The following LRP1B variants were observed in gnomAD, a reference collection of about 807,000 sequenced individuals.
LRP1B encodes the protein LDL receptor related protein 1B, also known as low-density lipoprotein receptor-related protein 1B.
LRP1B carries 217 observed loss-of-function variants against 556.6 expected under a neutral mutation model. The ratio of observed to expected loss-of-function variants is 0.39; its 90% CI spans 0.35 to 0.44. LRP1B has a LOEUF of 0.44. Among genes scored for constraint, LRP1B ranks in the 20% least tolerant of loss-of-function variants. The probability of loss-of-function intolerance (pLI) is 1.00; values close to 1 mark genes in which losing one functional copy is unlikely to be tolerated. For missense variants in LRP1B, 5,053 were observed against 5,620.8 expected (o/e 0.90, Z 3.23); for synonymous variants, 2,047 against 1,865.8 (o/e 1.10, Z -2.50).
chr2:140,885,081 A>G (rs184719332), intron 24 of LRP1B, among the ~76,000 whole-genome samples: 2 of 152,344 alleles, frequency 1.3e-5, no homozygotes, highest in African/African-American at 4.8e-5. Flanking sequence ...CATTGCTACC[A>G]CAGCAGTGCT....
At chr2:141,915,018 C>CA (rs1026926769) in intron 1 of LRP1B, among the ~76,000 whole-genome samples, 1 of 151,834 alleles carries the variant, frequency 6.6e-6, no homozygotes, top group Admixed American at 6.6e-5. Context: ...TCATATGGGA[C>CA]AAAAAAAGAG....
rs541466793 is a variant in LRP1B, at chr2:140,951,113, GATT to G, written c.2969-714_2969-712del. ...AACCAATAATATAATTATTGTGGAA[GATT>G]ATTACTTAAACCTATAGTTCTCATG... On this transcript the variant is annotated intron_variant, in intron 19 of 90. Transcript: ENST00000389484. Among the ~76,000 whole-genome samples, 226 of 152,180 alleles carry G rather than the reference GATT, an allele frequency of 1.5e-3. 2 individuals are homozygous for G. Among genetic ancestry groups the G allele is most frequent in the South Asian group, 0.015 (71 of 4,826 alleles).
chr2:140,290,355 A>G (rs1223502292), intron 84 of LRP1B, among the ~76,000 whole-genome samples: 2 of 152,096 alleles, frequency 1.3e-5, no homozygotes, highest in African/African-American at 2.4e-5. Flanking sequence ...GAAAAGGTAC[A>G]TAAAGTAATG....
At chr2:141,617,302 G>A (rs1340281621) in intron 2 of LRP1B, among the ~76,000 whole-genome samples, 1 of 152,134 alleles carries the variant, frequency 6.6e-6, no homozygotes, top group East Asian at 1.9e-4. Context: ...GAAAAATCAA[G>A]TCAATTGCTA....
intron 5 of LRP1B, among the ~76,000 whole-genome samples, chr2:141,231,403 C>A (rs1683460079): frequency 6.6e-6 from 1 of 152,096 alleles, no homozygotes; most frequent in African/African-American, 2.4e-5. Context: ...TCATGCTAGA[C>A]CCCTATTAAT....
At chr2:140,928,803 T>C (rs906121078) in intron 20 of LRP1B, among the ~76,000 whole-genome samples, 3 of 152,008 alleles carry the variant, frequency 2.0e-5, no homozygotes, top group African/African-American at 7.2e-5. Context: ...GAGCTAGCCA[T>C]GAAGATGTTA....
intron 27 of LRP1B, among the ~76,000 whole-genome samples, chr2:140,860,951 G>A (rs529041337): frequency 1.1e-4 from 17 of 151,958 alleles, no homozygotes; most frequent in African/African-American, 4.1e-4. Flanking sequence ...GCGGCAATGT[G>A]TAAAACGAAG....
At chr2:140,557,887 A>C in intron 43 of LRP1B, among the ~76,000 whole-genome samples, 1 of 152,232 alleles carries the variant, frequency 6.6e-6, no homozygotes, top group East Asian at 1.9e-4. Flanking sequence ...ATGGCTTATT[A>C]TCTGTCTTCC....
At chr2:141,938,687 C>T (rs1242642813) in intron 1 of LRP1B, among the ~76,000 whole-genome samples, 1 of 152,056 alleles carries the variant, frequency 6.6e-6, no homozygotes, top group East Asian at 1.9e-4. Flanking sequence ...TGGAAACAAC[C>T]TAAGTGTCTG....
intron 66 of LRP1B, among the ~76,000 whole-genome samples, chr2:140,399,080 T>A (rs1684379772): frequency 6.6e-6 from 1 of 152,054 alleles, no homozygotes; most frequent in Admixed American, 6.6e-5. Flanking sequence ...ATACTTATCT[T>A]TCTTTTTCTT....
intron 5 of LRP1B, among the ~76,000 whole-genome samples, chr2:141,239,549 A>G (rs1346277183): frequency 6.6e-6 from 1 of 152,070 alleles, no homozygotes; most frequent in Non-Finnish European, 1.5e-5. Flanking sequence ...AGACAATTAT[A>G]TGAGTCTAAT....
chr2:141,268,574 A>G (rs1283494498), intron 3 of LRP1B, among the ~76,000 whole-genome samples: 1 of 152,134 alleles, frequency 6.6e-6, no homozygotes, highest in Non-Finnish European at 1.5e-5. Flanking sequence ...GAAGGAAATC[A>G]ATACAAAACC....
chr2:141,958,253 TAGAAGAGGC>T (rs1398331382), intron 1 of LRP1B, among the ~76,000 whole-genome samples: 3 of 152,026 alleles, frequency 2.0e-5, no homozygotes, highest in African/African-American at 7.2e-5. Flanking sequence ...CCTGGTGCAT[TAGAAGAGGC>T]AGCTGGGTGG....
At chr2:141,046,832 A>C (rs1698884615) in intron 11 of LRP1B, among the ~76,000 whole-genome samples, 2 of 152,100 alleles carry the variant, frequency 1.3e-5, no homozygotes, top group South Asian at 4.2e-4. Context: ...CTGTAATCCC[A>C]GCTCTTTGGG....
chr2:140,930,782 C>T (rs1479660404), intron 20 of LRP1B, among the ~76,000 whole-genome samples: 1 of 152,094 alleles, frequency 6.6e-6, no homozygotes, highest in African/African-American at 2.4e-5. Flanking sequence ...TCAGTCCTTG[C>T]TCTGTTCTTA....
At chr2:140,641,333 T>C (rs1034792096) in intron 41 of LRP1B, among the ~76,000 whole-genome samples, 1 of 152,244 alleles carries the variant, frequency 6.6e-6, no homozygotes, top group Non-Finnish European at 1.5e-5. Flanking sequence ...GGGGAAAGTC[T>C]AAATCAACAT....
chr2:141,631,538 C>CAAA (rs71391663), intron 2 of LRP1B, among the ~76,000 whole-genome samples: 2 of 92,562 alleles, frequency 2.2e-5, no homozygotes, highest in Non-Finnish European at 4.3e-5. Flanking sequence ...ACCAGTTTTC[C>CAAA]AAAAAAAAAA....
In LRP1B at chr2:141,031,076, G is replaced by C. The variant is rs142989286; in HGVS notation, c.1790-10974C>G. Among the ~76,000 whole-genome samples the C allele has an allele frequency of 1.5e-3, 225 of 151,900 alleles. 2 individuals are homozygous for C. The highest frequency in any genetic ancestry group is 3.4e-3 in the Middle Eastern group (1 of 294). Reference sequence around the variant, plus strand: ...CAGAATAATTGATATGAAATGTCTGGTAAATACTAGGAACTTCACAAATGC... The same window carrying C: ...CAGAATAATTGATATGAAATGTCTGCTAAATACTAGGAACTTCACAAATGC... On this transcript the variant is annotated intron_variant, in intron 11 of 90. Transcript: ENST00000389484.
At chr2:140,585,649 A>G (rs1294171220) in intron 43 of LRP1B, among the ~76,000 whole-genome samples, 1 of 152,136 alleles carries the variant, frequency 6.6e-6, no homozygotes, top group Non-Finnish European at 1.5e-5. Context: ...CCAACACTGA[A>G]ACAATGTTAT....
Sources: gnomAD v4.1 joint callset for allele counts (sites outside exome capture counted in the v4.1 genomes callset) on GRCh38, gnomAD v4.1.1 for gene constraint, MANE v1.5 for transcripts, NCBI Gene and HGNC (gene_info 2026-07-23, HGNC 2026-07-21) for gene names.